Variants in UGGT1 observed in about 807,000 individuals in gnomAD.
UGGT1 encodes the protein UDP-glucose glycoprotein glucosyltransferase 1, also known as UDP-glucose:glycoprotein glucosyltransferase 1.
Under a neutral mutation model 203.9 loss-of-function variants are expected in UGGT1, and 107 were observed. That is an observed-to-expected ratio of 0.52 (90% CI 0.45 to 0.62). The LOEUF is 0.62. Ranked by LOEUF, UGGT1 falls within the 20% of genes least tolerant of loss-of-function variation. UGGT1 has a pLI of 0.00. For missense variants in UGGT1, 1,673 were observed against 1,867.2 expected (o/e 0.90, Z 1.92); for synonymous variants, 628 against 653.5 (o/e 0.96, Z 0.59).
chr2:128,116,822 G>T (rs987936935), intron 8 of UGGT1, among the ~76,000 whole-genome samples: 2 of 152,130 alleles, frequency 1.3e-5, no homozygotes. Flanking sequence ...ACTGCGTCCA[G>T]CCTGAAGCAC....
intron 7 of UGGT1, among the ~76,000 whole-genome samples, chr2:128,115,776 T>A (rs1688072037): frequency 6.6e-6 from 1 of 152,172 alleles, no homozygotes; most frequent in African/African-American, 2.4e-5. Flanking sequence ...TGCTATTTTT[T>A]CATTTCTTTT....
rs750991432 is a variant in UGGT1, at chr2:128,170,343, G to A, written c.2977G>A (p.Val993Ile). ...GETYFDVVAV[V>I]DPVTREAQRL... ...GACATACTTTGATGTTGTGGCTGTC[G>A]TTGACCCTGTCACCAGAGAAGCACA... The change falls in exon 27 of 41, where the codon GTT becomes ATT. Residue 993 changes from valine (V) to isoleucine (I), a missense_variant. Physicochemically the swap from Val to Ile is conservative, Grantham distance 29. Transcript: ENST00000259253. 1.4e-5 allele frequency: 23 copies of A among 1,614,096 alleles called. No individual in the cohort carries two copies. The East Asian group carries it at 1.6e-4, about 11-fold the overall frequency.
chr2:128,157,728 G>T (rs992180935), intron 22 of UGGT1, among the ~76,000 whole-genome samples: 1 of 152,306 alleles, frequency 6.6e-6, no homozygotes, highest in South Asian at 2.1e-4. Context: ...TAGCACACAG[G>T]AATGGTAGTG....
intron 13 of UGGT1, among the ~76,000 whole-genome samples, chr2:128,130,856 G>C (rs548848961): frequency 6.6e-6 from 1 of 151,700 alleles, no homozygotes; most frequent in Non-Finnish European, 1.5e-5. Context: ...AAATTCCTGC[G>C]GTCAAGCAAT....
At chr2:128,185,254 C>T (rs900916901) in intron 38 of UGGT1, among the ~76,000 whole-genome samples, 1 of 147,954 alleles carries the variant, frequency 6.8e-6, no homozygotes, top group African/African-American at 2.5e-5. Flanking sequence ...GGCTGGAGTG[C>T]AGTGGCGTAA....
Position 128,182,909 on chromosome 2 carries a change from C to CTTT in UGGT1, c.4244+635_4244+637dup, listed in dbSNP as rs372722115. On this transcript the variant is annotated intron_variant, in intron 37 of 40. Coordinates refer to ENST00000259253, the MANE Select transcript of UGGT1 (RefSeq NM_020120.4). ...CCTATTTATACATTTTGTAACTTGG[C>CTTT]TTTTTTTTTTTTTTTTTTACTTAAT... 8.7e-4 allele frequency among the ~76,000 whole-genome samples: 99 copies of CTTT among 114,230 alleles called. 3 individuals carry two copies. The highest frequency in any genetic ancestry group is 2.3e-3 in the South Asian group (8 of 3,510). 74.9% of individuals were successfully genotyped at this position (114,230 alleles called of 152,430 possible).
chr2:128,187,916 T>G (rs1692067216), intron 40 of UGGT1, among the ~76,000 whole-genome samples: 3 of 152,070 alleles, frequency 2.0e-5, no homozygotes, highest in African/African-American at 7.2e-5. Context: ...AAACCAAACC[T>G]TTTGCAGAGT....
intron 1 of UGGT1, among the ~76,000 whole-genome samples, chr2:128,092,321 CTTATTTATTTAT>C (rs143592868): frequency 2.1e-5 from 3 of 145,450 alleles, no homozygotes; most frequent in Non-Finnish European, 4.5e-5. Context: ...TAAAAAAATT[CTTATTTATTTAT>C]TTATTTATTT....
At chr2:128,092,010 C>T (rs868281496) in intron 1 of UGGT1, among the ~76,000 whole-genome samples, 3 of 152,088 alleles carry the variant, frequency 2.0e-5, no homozygotes, top group Non-Finnish European at 4.4e-5. Context: ...CATTTCTTGC[C>T]AGATTTGAGA....
In UGGT1 at chr2:128,179,769, C is replaced by T; in HGVS notation, c.3816-17C>T. On this transcript the variant is annotated splice_polypyrimidine_tract_variant and intron_variant, in intron 34 of 40. Coordinates refer to ENST00000259253, the MANE Select transcript of UGGT1 (RefSeq NM_020120.4). ...ACATTGGAAAGCTGTTATTAATTAC[C>T]TGCTTTTGTTTGGCAGCATAATGAT... 6.2e-7 allele frequency: 1 copy of T among 1,603,196 alleles called. No homozygotes were observed. Among genetic ancestry groups the T allele is most frequent in the Non-Finnish European group, 8.5e-7 (1 of 1,173,960 alleles).
At chr2:128,103,683 T>A (rs1687481582) in intron 2 of UGGT1, among the ~76,000 whole-genome samples, 1 of 151,918 alleles carries the variant, frequency 6.6e-6, no homozygotes, top group Non-Finnish European at 1.5e-5. Context: ...GTTTTTATTA[T>A]TCCAGGTTTC....
intron 9 of UGGT1, 75 bp from the exon 10 acceptor site, chr2:128,121,124 T>G (rs2105391055): frequency 7.2e-7 from 1 of 1,397,680 alleles, no homozygotes; most frequent in East Asian, 2.3e-5. Context: ...GAGTGGGAAG[T>G]AAATTTGGAT....
rs116661971 is a variant in UGGT1, at chr2:128,104,179, T to C, written c.277+165T>C. Among the ~76,000 whole-genome samples the C allele has an allele frequency of 2.2e-3, 332 of 152,368 alleles. 3 individuals are homozygous for C. The highest frequency in any genetic ancestry group is 7.4e-3 in the African/African-American group (308 of 41,588). On this transcript the variant is annotated intron_variant, in intron 3 of 40. Transcript: ENST00000259253. ...GGAAGAGCCAACACAACACAAATTA[T>C]TATTTTTGAAGCAATGTATACCTTT...
chr2:128,159,807 C>A, intron 23 of UGGT1, 87 bp downstream of exon 23: 2 of 1,340,384 alleles, frequency 1.5e-6, no homozygotes, highest in Non-Finnish European at 2.1e-6. Flanking sequence ...GGTTCATGAT[C>A]ACGATTTGTC....
intron 18 of UGGT1, among the ~76,000 whole-genome samples, chr2:128,148,028 G>T (rs1689773557): frequency 6.6e-6 from 1 of 152,026 alleles, no homozygotes; most frequent in South Asian, 2.1e-4. Context: ...ACTGTTATTT[G>T]TTTAGTGACT....
intron 2 of UGGT1, among the ~76,000 whole-genome samples, chr2:128,099,923 G>A (rs1034771695): frequency 6.6e-6 from 1 of 151,824 alleles, no homozygotes; most frequent in Admixed American, 6.6e-5. Flanking sequence ...TGGACTGCCT[G>A]AGCTGGACTC....
chr2:128,171,334 A>C, intron 28 of UGGT1, 50 bp downstream of exon 28: 1 of 1,509,392 alleles, frequency 6.6e-7, no homozygotes, highest in East Asian at 2.3e-5. Context: ...ACTGAATCCA[A>C]GTTCTGATAT....
intron 13 of UGGT1, among the ~76,000 whole-genome samples, chr2:128,129,610 G>T (rs1443648648): frequency 1.3e-5 from 2 of 151,934 alleles, no homozygotes; most frequent in Non-Finnish European, 2.9e-5. Flanking sequence ...TATTGGTCAG[G>T]CTGGTCTCAA....
At chr2:128,147,092 G>A (rs1195372401) in intron 18 of UGGT1, among the ~76,000 whole-genome samples, 1 of 152,058 alleles carries the variant, frequency 6.6e-6, no homozygotes, top group Non-Finnish European at 1.5e-5. Context: ...CAGAAACTAG[G>A]GCCAGCCAAA....
Sources: gnomAD v4.1 joint callset for allele counts (sites outside exome capture counted in the v4.1 genomes callset) on GRCh38, gnomAD v4.1.1 for gene constraint, MANE v1.5 for transcripts, NCBI Gene and HGNC (gene_info 2026-07-23, HGNC 2026-07-21) for gene names.